Variants in PKN2 observed in about 807,000 individuals in gnomAD.
PKN2 encodes serine/threonine-protein kinase N2.
In PKN2, 38 loss-of-function variants were observed where a neutral mutation model predicts 119.1. That is an observed-to-expected ratio of 0.32 (90% CI 0.25 to 0.42). The LOEUF is 0.42. PKN2 is among the 10% of genes least tolerant of loss of function. The pLI, the probability that PKN2 is intolerant of heterozygous loss-of-function variation, is 1.00. For synonymous variants in PKN2, 390 were observed against 384.9 expected (o/e 1.01, Z -0.15); for missense variants, 850 against 1,165.1 (o/e 0.73, Z 3.94).
chr1:88,746,523 G>C (rs1464156814), intron 2 of PKN2, among the ~76,000 whole-genome samples: 1 of 151,930 alleles, frequency 6.6e-6, no homozygotes, highest in Non-Finnish European at 1.5e-5. Context: ...AGTATCTCTA[G>C]CCATCAGAGA....
At chr1:88,699,045 G>T (rs751377237) in intron 1 of PKN2, among the ~76,000 whole-genome samples, 2 of 152,124 alleles carry the variant, frequency 1.3e-5, no homozygotes, top group Non-Finnish European at 2.9e-5. Flanking sequence ...CATTGACAAG[G>T]TTTATATTTC....
intron 16 of PKN2, among the ~76,000 whole-genome samples, chr1:88,819,573 A>T (rs55639630): frequency 0.019 from 2,917 of 152,330 alleles, 103 homozygotes; most frequent in African/African-American, 0.066. Context: ...GTGGGAGTGT[A>T]AATTAGTTCA....
intron 1 of PKN2, among the ~76,000 whole-genome samples, chr1:88,705,866 C>T (rs1666981597): frequency 6.6e-6 from 1 of 151,654 alleles, no homozygotes; most frequent in Non-Finnish European, 1.5e-5. Context: ...TAATTTTTTG[C>T]CAGTCCCATG....
chr1:88,719,981 T>C (rs1667604523), intron 1 of PKN2, among the ~76,000 whole-genome samples: 1 of 152,162 alleles, frequency 6.6e-6, no homozygotes, highest in African/African-American at 2.4e-5. Flanking sequence ...ACACAAGTAG[T>C]AAGTGATAGA....
chr1:88,737,537 A>G (rs1668403234), intron 1 of PKN2, among the ~76,000 whole-genome samples: 2 of 152,112 alleles, frequency 1.3e-5, no homozygotes, highest in Admixed American at 1.3e-4. Flanking sequence ...CAGGACTACT[A>G]CATCCCCGGG....
At chr1:88,732,095 A>T (rs1467716079) in intron 1 of PKN2, among the ~76,000 whole-genome samples, 1 of 152,242 alleles carries the variant, frequency 6.6e-6, no homozygotes, top group Non-Finnish European at 1.5e-5. Flanking sequence ...GGTCCCTTGT[A>T]GTAGAATTGT....
intron 1 of PKN2, among the ~76,000 whole-genome samples, chr1:88,712,583 T>G (rs1042224097): frequency 6.6e-6 from 1 of 152,178 alleles, no homozygotes; most frequent in Non-Finnish European, 1.5e-5. Flanking sequence ...ATGATGTATG[T>G]GATTCTTTCA....
intron 18 of PKN2, among the ~76,000 whole-genome samples, chr1:88,825,543 T>C (rs1672466693): frequency 6.6e-6 from 1 of 152,228 alleles, no homozygotes; most frequent in Non-Finnish European, 1.5e-5. Context: ...CGTTCTATCC[T>C]GTTCTCTACT....
At chr1:88,764,955 C>T (rs988831883) in intron 3 of PKN2, among the ~76,000 whole-genome samples, 1 of 152,014 alleles carries the variant, frequency 6.6e-6, no homozygotes, top group Non-Finnish European at 1.5e-5. Flanking sequence ...GACAGAGTCT[C>T]GCTCTGTCGC....
At chr1:88,787,421 A>G (rs897413007) in intron 8 of PKN2, among the ~76,000 whole-genome samples, 3 of 152,324 alleles carry the variant, frequency 2.0e-5, no homozygotes, top group Non-Finnish European at 2.9e-5. Flanking sequence ...GAATCTTGCC[A>G]TTATTTTGTA....
chr1:88,791,192 CTTCGGCAGGCCGAAGT>C (rs1454058754), intron 8 of PKN2, among the ~76,000 whole-genome samples: 1 of 151,942 alleles, frequency 6.6e-6, no homozygotes, highest in African/African-American at 2.4e-5. Flanking sequence ...AAACCCAGCA[CTTCGGCAGGCCGAAGT>C]GGGCAGATCA....
At chr1:88,699,850 T>C (rs1666705354) in intron 1 of PKN2, among the ~76,000 whole-genome samples, 1 of 152,100 alleles carries the variant, frequency 6.6e-6, no homozygotes, top group South Asian at 2.1e-4. Flanking sequence ...TGGCGCAATC[T>C]TTGCTCACTG....
At chr1:88,823,156 G>C (rs1242059902) in intron 17 of PKN2, among the ~76,000 whole-genome samples, 1 of 152,120 alleles carries the variant, frequency 6.6e-6, no homozygotes, top group African/African-American at 2.4e-5. Flanking sequence ...GGAGGTCAAG[G>C]CTGCAGTGAG....
At chr1:88,797,632 G>A (rs1328427699) in intron 8 of PKN2, among the ~76,000 whole-genome samples, 3 of 139,294 alleles carry the variant, frequency 2.2e-5, no homozygotes, top group South Asian at 2.3e-4. Context: ...CAGAGACTCC[G>A]TCTCAAAAAA....
At chr1:88,691,584 A>G (rs941352159) in intron 1 of PKN2, among the ~76,000 whole-genome samples, 2 of 152,170 alleles carry the variant, frequency 1.3e-5, no homozygotes, top group African/African-American at 2.4e-5. Flanking sequence ...GTACTCATGG[A>G]CCACCACTCC....
Position 88,746,677 on chromosome 1 carries a change from C to G in PKN2, c.349+5389C>G, listed in dbSNP as rs1351656388. On this transcript the variant is annotated intron_variant, in intron 2 of 21. Coordinates refer to ENST00000370521, the MANE Select transcript of PKN2 (RefSeq NM_006256.4). ...TGGTGGTATTGTAACATTAGTATGG[C>G]CACTTTGGAAGACAGTGTGGAGGTT... Among the ~76,000 whole-genome samples, 4 of 152,124 alleles carry G rather than the reference C, an allele frequency of 2.6e-5. No individual in the cohort carries two copies. The East Asian group carries it at 7.7e-4, about 29-fold the overall frequency.
chr1:88,789,015 T>C (rs1670698560), intron 8 of PKN2, among the ~76,000 whole-genome samples: 1 of 152,156 alleles, frequency 6.6e-6, no homozygotes, highest in African/African-American at 2.4e-5. Context: ...TTATCAATAT[T>C]AGAAACAGAG....
chr1:88,781,874 C>G (rs1034036007), intron 6 of PKN2, among the ~76,000 whole-genome samples: 2 of 151,950 alleles, frequency 1.3e-5, no homozygotes, highest in Non-Finnish European at 2.9e-5. Context: ...TTTTTTAACT[C>G]AAAATGATAT....
intron 1 of PKN2, among the ~76,000 whole-genome samples, chr1:88,725,459 A>G (rs1250542016): frequency 6.6e-6 from 1 of 152,124 alleles, no homozygotes; most frequent in Admixed American, 6.5e-5. Context: ...TGTTTATTAG[A>G]CATCTATTAT....
Sources: allele counts gnomAD v4.1 joint callset (sites outside exome capture counted in the v4.1 genomes callset), GRCh38; gene constraint gnomAD v4.1.1; transcripts MANE v1.5; gene names NCBI Gene and HGNC (gene_info 2026-07-23, HGNC 2026-07-21).